ZBTB43: variants seen among roughly 807,000 people sequenced by gnomAD.
ZBTB43 encodes the protein zinc finger and BTB domain-containing protein 43.
Under a neutral mutation model 31.1 loss-of-function variants are expected in ZBTB43, and 6 were observed. The observed-to-expected ratio is 0.19, with a 90% CI of 0.11 to 0.38. The LOEUF (loss-of-function observed/expected upper bound fraction) is 0.38, where lower values mean the gene tolerates loss of function less well. ZBTB43 is among the 10% of genes least tolerant of loss of function. The probability of loss-of-function intolerance (pLI) is 1.00; values close to 1 mark genes in which losing one functional copy is unlikely to be tolerated. For missense variants in ZBTB43, 379 were observed against 602.1 expected (o/e 0.63, Z 3.88); for synonymous variants, 212 against 221.7 (o/e 0.96, Z 0.39).
At chr9:126,817,477 G>GTT (rs373778326) in intron 2 of ZBTB43, among the ~76,000 whole-genome samples, 36 of 127,718 alleles carry the variant, frequency 2.8e-4, no homozygotes, top group South Asian at 5.1e-4. Context: ...GTTCCATGAA[G>GTT]TTTTTTTTTT....
intron 1 of ZBTB43, among the ~76,000 whole-genome samples, chr9:126,807,137 A>G (rs1022283448): frequency 1.3e-5 from 2 of 152,194 alleles, no homozygotes; most frequent in African/African-American, 4.8e-5. Flanking sequence ...AGATATCACA[A>G]CTGAATTACT....
At position 126,833,594 on chromosome 9, in the gene ZBTB43, C is replaced by T; in HGVS notation, c.1085C>T (p.Ser362Phe). The T allele has an allele frequency of 6.2e-7, 1 of 1,614,050 alleles. No homozygotes were observed. The highest frequency in any genetic ancestry group is 8.5e-7 in the Non-Finnish European group (1 of 1,179,982). The stretch of plus-strand genomic sequence containing the variant: ...GTAACAGGGATTAAAGAAGAAGCTT[C>T]CCACTTAGGATTCTCAGCCACTGAC... ...EMVTGIKEEA[S>F]HLGFSATDKL... The change falls in exon 3 of 3, where the codon TCC becomes TTC. Residue 362 changes from serine to phenylalanine, a missense_variant. Coordinates refer to ENST00000373464, the MANE Select transcript of ZBTB43 (RefSeq NM_014007.4). This position sits in a 1 kb window ranked among gnomAD's most constrained non-coding sequence, Gnocchi z 7.9.
In ZBTB43 at chr9:126,805,091, G is replaced by C. The variant is rs955724330; in HGVS notation, c.-188G>C. 6.6e-6 allele frequency: 1 copy of C among 152,542 alleles called. No individual in the cohort carries two copies. The highest frequency in any genetic ancestry group is 2.4e-5 in the African/African-American group (1 of 41,482). 9.4% of individuals were successfully genotyped at this position (152,542 alleles called of 1,614,324 possible). A position where few individuals can be genotyped will look rare whatever the true frequency, so the allele number is the denominator to read the frequency against. ...AACAGGCCTGCGCCGGCGGCAGAGA[G>C]GATATCTTGGGCGGGGGATGTGAGC... On this transcript the variant is annotated 5_prime_UTR_variant, in exon 1 of 3. Transcript: ENST00000373464.
chr9:126,829,352 T>C (rs1262230622), intron 2 of ZBTB43, among the ~76,000 whole-genome samples: 3 of 152,194 alleles, frequency 2.0e-5, no homozygotes, highest in African/African-American at 7.2e-5. Flanking sequence ...TGCAAAAATA[T>C]CTATTGTAGC....
At chr9:126,828,656 T>TAA (rs1230196355) in intron 2 of ZBTB43, among the ~76,000 whole-genome samples, 179 of 137,058 alleles carry the variant, frequency 1.3e-3, no homozygotes, top group Middle Eastern at 3.8e-3. Context: ...ATAATAATAA[T>TAA]TATTATTATT....
Position 126,833,546 on chromosome 9 carries a change from G to A in ZBTB43, c.1037G>A (p.Gly346Asp). The change falls in exon 3 of 3, where the codon GGT becomes GAT. Residue 346 changes from glycine (G) to aspartate (D), a missense_variant. By Grantham distance (94) the Gly-to-Asp change is moderately conservative. This residue lies in a region of ZBTB43 where 253 missense variants were observed against 322.3 expected (regional missense o/e 0.79). Transcript: ENST00000373464. The surrounding 1 kb of genome is among the most constrained non-coding windows in gnomAD (Gnocchi z 7.9). ...GHRQEAALAA[G>D]YSENIEMVTG... ...AGACAGGAGGCTGCCCTCGCAGCAG[G>A]TTACAGTGAGAATATTGAAATGGTA... 6.2e-7 allele frequency: 1 copy of A among 1,614,138 alleles called. No homozygotes were observed. The highest frequency in any genetic ancestry group is 1.1e-5 in the South Asian group (1 of 91,086).
chr9:126,819,878 C>T (rs2032473420), intron 2 of ZBTB43, among the ~76,000 whole-genome samples: 1 of 152,218 alleles, frequency 6.6e-6, no homozygotes, highest in Admixed American at 6.5e-5. Context: ...AAGAAAGTGG[C>T]AGCCTTAGTG....
Position 126,835,518 on chromosome 9 carries a change from A to G in ZBTB43, c.*1605A>G, listed in dbSNP as rs2032860246. On this transcript the variant is annotated 3_prime_UTR_variant, in exon 3 of 3. Transcript: ENST00000373464. ...GTTTGGCTTTGCTGTAATGTAATAG[A>G]CATTGCTGGCAATGGCCTCTGATTC... The G allele has an allele frequency of 6.0e-6, 1 of 167,020 alleles. No homozygotes were observed. Among genetic ancestry groups the G allele is most frequent in the Non-Finnish European group, 1.5e-5 (1 of 68,112 alleles). 10.3% of individuals were successfully genotyped at this position (167,020 alleles called of 1,614,324 possible).
intron 2 of ZBTB43, among the ~76,000 whole-genome samples, chr9:126,828,223 G>C (rs561167955): frequency 8.6e-5 from 13 of 150,900 alleles, no homozygotes; most frequent in African/African-American, 3.2e-4. Flanking sequence ...TTGCTCTGTC[G>C]CCCAGGCTGG....
intron 2 of ZBTB43, among the ~76,000 whole-genome samples, chr9:126,827,013 A>T (rs758223029): frequency 6.6e-6 from 1 of 152,158 alleles, no homozygotes; most frequent in Non-Finnish European, 1.5e-5. Context: ...TTGGAGTATG[A>T]TACTGTGGTA....
Position 126,822,182 on chromosome 9 carries a change from T to TA in ZBTB43, c.-23-10302dup, listed in dbSNP as rs1481858657. On this transcript the variant is annotated intron_variant, in intron 2 of 2. Transcript: ENST00000373464. ...AGATTTTTTTTTTTTTTTTTTTTTT[T>TA]AAAGCTCATCTGCTATGGTTAGTGT... Among the ~76,000 whole-genome samples, 62 of 149,168 alleles carry TA rather than the reference T, an allele frequency of 4.2e-4. 1 individual carries two copies. The South Asian group carries it at 8.6e-3, about 21-fold the overall frequency.
At position 126,834,708 on chromosome 9, in the gene ZBTB43, C is replaced by A. The variant is rs542620588; in HGVS notation, c.*795C>A. The A allele has an allele frequency of 1.2e-5, 2 of 167,000 alleles. No individual in the cohort carries two copies. Among genetic ancestry groups the A allele is most frequent in the East Asian group, 1.9e-4 (1 of 5,196 alleles). 10.3% of individuals were successfully genotyped at this position (167,000 alleles called of 1,614,324 possible). ...TTCTCATTGGTTTGCTTTCCCAAAT[C>A]CTGTTTGGTTAATTGTAGCCTCCAT... On this transcript the variant is annotated 3_prime_UTR_variant, in exon 3 of 3. Coordinates refer to ENST00000373464, the MANE Select transcript of ZBTB43 (RefSeq NM_014007.4).
At chr9:126,827,472 A>G (rs1278768646) in intron 2 of ZBTB43, among the ~76,000 whole-genome samples, 1 of 152,154 alleles carries the variant, frequency 6.6e-6, no homozygotes, top group African/African-American at 2.4e-5. Context: ...ATGGGGATTT[A>G]TGCACACTGA....
intron 2 of ZBTB43, among the ~76,000 whole-genome samples, chr9:126,813,553 C>T (rs1027381967): frequency 1.3e-5 from 2 of 151,902 alleles, no homozygotes; most frequent in East Asian, 1.9e-4. Flanking sequence ...GAAAGAGAGC[C>T]GAGGGAGATC....
chr9:126,814,310 A>T (rs111518388), intron 2 of ZBTB43, among the ~76,000 whole-genome samples: 2 of 151,800 alleles, frequency 1.3e-5, no homozygotes, highest in Non-Finnish European at 2.9e-5. Flanking sequence ...TTACAGATGA[A>T]ATTTACATCT....
chr9:126,830,283 A>G (rs537339108), intron 2 of ZBTB43, among the ~76,000 whole-genome samples: 3 of 152,220 alleles, frequency 2.0e-5, no homozygotes, highest in Non-Finnish European at 4.4e-5. Context: ...TTCTCTTGTC[A>G]TCTCTCCCTA....
At chr9:126,816,351 A>T (rs1439584264) in intron 2 of ZBTB43, among the ~76,000 whole-genome samples, 1 of 152,074 alleles carries the variant, frequency 6.6e-6, no homozygotes, top group Non-Finnish European at 1.5e-5. Context: ...TAGTTTCCTG[A>T]TACCCTATCA....
At chr9:126,825,052 C>T (rs1264834507) in intron 2 of ZBTB43, among the ~76,000 whole-genome samples, 2 of 152,118 alleles carry the variant, frequency 1.3e-5, no homozygotes, top group African/African-American at 2.4e-5. Flanking sequence ...TCAAGTGATC[C>T]TCCCACCTCA....
Position 126,832,633 on chromosome 9 carries a change from C to T in ZBTB43, c.124C>T (p.His42Tyr), listed in dbSNP as rs1353774514. 6.2e-7 allele frequency: 1 copy of T among 1,614,134 alleles called. No individual in the cohort carries two copies. The highest frequency in any genetic ancestry group is 8.5e-7 in the Non-Finnish European group (1 of 1,180,042). ...TGACGTCTCCATTGTTGTCCAAGGC[C>T]ACATTTTCCGGGCACACAAAGCCGT... ...LCDVSIVVQG[H>Y]IFRAHKAVLA... is the part of the protein sequence containing the mutation. The change falls in exon 3 of 3, where the codon CAC becomes TAC. Residue 42 changes from histidine (H) to tyrosine (Y), a missense_variant. His to Tyr is a moderately conservative substitution (Grantham distance 83, BLOSUM62 2). This residue lies in a region of ZBTB43 where 79 missense variants were observed against 134.4 expected (regional missense o/e 0.59). Coordinates refer to ENST00000373464, the MANE Select transcript of ZBTB43 (RefSeq NM_014007.4).
Sources: allele counts gnomAD v4.1 joint callset (sites outside exome capture counted in the v4.1 genomes callset), GRCh38; gene constraint gnomAD v4.1.1; regional missense constraint gnomAD v4.1.1; non-coding constraint Gnocchi (gnomAD v3.1); transcripts MANE v1.5; gene names NCBI Gene and HGNC (gene_info 2026-07-23, HGNC 2026-07-21).